Variants in PTPRQ observed in about 807,000 individuals in gnomAD.
PTPRQ encodes phosphatidylinositol phosphatase PTPRQ.
PTPRQ carries 199 observed loss-of-function variants against 246.0 expected under a neutral mutation model. The observed-to-expected ratio is 0.81, with a 90% CI of 0.72 to 0.91. The LOEUF is 0.91. Ranked by LOEUF, PTPRQ falls within the 40% of genes least tolerant of loss-of-function variation. The probability of loss-of-function intolerance (pLI) is 0.00; values close to 1 mark genes in which losing one functional copy is unlikely to be tolerated. For missense variants in PTPRQ, 2,624 were observed against 2,528.4 expected (o/e 1.04, Z -0.81); for synonymous variants, 869 against 853.2 (o/e 1.02, Z -0.32).
In PTPRQ at chr12:80,542,154, T is replaced by C. The variant is rs1249298731; in HGVS notation, c.3511T>C (p.Trp1171Arg). Reference sequence around the variant, plus strand: ...TTCCTCTACCTCAGTTCTCTTATCATGGGATCCCCCAGTAAAGCCAAATGG... The same window carrying C: ...TTCCTCTACCTCAGTTCTCTTATCACGGGATCCCCCAGTAAAGCCAAATGG... Reference protein sequence around the residue: ...NLSSTSVLLSWDPPVKPNGAI... With the variant: ...NLSSTSVLLSRDPPVKPNGAI... Residue 1171 changes from tryptophan (W) to arginine (R), a missense_variant, in exon 22 of 45, where the codon TGG (tryptophan) becomes CGG (arginine). Physicochemically the swap from Trp to Arg is moderately radical, Grantham distance 101. Coordinates refer to ENST00000644991, the MANE Select transcript of PTPRQ (RefSeq NM_001145026.2). The C allele has an allele frequency of 6.4e-7, 1 of 1,551,118 alleles. No individual in the cohort carries two copies. Among genetic ancestry groups the C allele is most frequent in the Admixed American group, 2.0e-5 (1 of 50,978 alleles).
chr12:80,514,230 T>G (rs1415356563), intron 17 of PTPRQ, among the ~76,000 whole-genome samples: 1 of 152,076 alleles, frequency 6.6e-6, no homozygotes, highest in East Asian at 1.9e-4. Context: ...GTATACTCTT[T>G]CCTTTCTACA....
At chr12:80,600,691 G>A (rs1386667795) in intron 26 of PTPRQ, among the ~76,000 whole-genome samples, 1 of 151,800 alleles carries the variant, frequency 6.6e-6, no homozygotes, top group Non-Finnish European at 1.5e-5. Context: ...TCAAATAGAT[G>A]TTGGAGATGA....
chr12:80,575,855 A>G, intron 25 of PTPRQ, among the ~76,000 whole-genome samples: 1 of 150,916 alleles, frequency 6.6e-6, no homozygotes, highest in East Asian at 1.9e-4. Flanking sequence ...AAAAAAAAAA[A>G]AAGAAAAAAG....
chr12:80,678,055 G>A, intron 43 of PTPRQ, among the ~76,000 whole-genome samples: 1 of 152,074 alleles, frequency 6.6e-6, no homozygotes, highest in Non-Finnish European at 1.5e-5. Flanking sequence ...CTGGATGTTT[G>A]GGTACTTCAA....
intron 17 of PTPRQ, among the ~76,000 whole-genome samples, chr12:80,526,300 C>T (rs2120777034): frequency 6.6e-6 from 1 of 152,278 alleles, no homozygotes; most frequent in Non-Finnish European, 1.5e-5. Context: ...TTGGAGGAAA[C>T]TAAGTTGGAG....
chr12:80,679,057 T>C lies in PTPRQ; in HGVS notation c.*34T>C. ...ACCAAAGGATACAATTGGAAGAGAT[T>C]TTTAAATCCCAGGGGCCAAAGTTAC... On this transcript the variant is annotated 3_prime_UTR_variant, in exon 45 of 45. Coordinates refer to ENST00000644991, the MANE Select transcript of PTPRQ (RefSeq NM_001145026.2). The C allele has an allele frequency of 6.5e-7, 1 of 1,535,968 alleles. No homozygotes were observed. The highest frequency in any genetic ancestry group is 2.5e-5 in the East Asian group (1 of 40,538).
chr12:80,559,608 A>C (rs1230925042), intron 25 of PTPRQ, among the ~76,000 whole-genome samples: 1 of 152,180 alleles, frequency 6.6e-6, no homozygotes, highest in African/African-American at 2.4e-5. Flanking sequence ...AGTTAGATTT[A>C]AGTTAATGAT....
Position 80,590,310 on chromosome 12 carries a change from G to T in PTPRQ, c.4609+1858G>T, listed in dbSNP as rs915582582. On this transcript the variant is annotated intron_variant, in intron 26 of 44. Coordinates refer to ENST00000644991, the MANE Select transcript of PTPRQ (RefSeq NM_001145026.2). ...TGCTCCCACAGCACTAGCCTAACTA[G>T]CCTCCTACACTGCCAGACTGGTCTT... Among the ~76,000 whole-genome samples the T allele has an allele frequency of 4.6e-5, 7 of 152,124 alleles. No homozygotes were observed. In the South Asian group the frequency reaches 6.2e-4, roughly 14 times the overall value.
intron 39 of PTPRQ, among the ~76,000 whole-genome samples, chr12:80,666,731 A>C (rs1480488005): frequency 6.6e-6 from 1 of 152,008 alleles, no homozygotes; most frequent in Non-Finnish European, 1.5e-5. Context: ...AAAACTGCTC[A>C]TCTGGAGTCT....
chr12:80,605,787 A>T (rs1424851111), intron 27 of PTPRQ, among the ~76,000 whole-genome samples: 4 of 151,074 alleles, frequency 2.6e-5, no homozygotes, highest in Admixed American at 6.6e-5. Flanking sequence ...CTAGATCCAG[A>T]GGCTGACTAT....
intron 5 of PTPRQ, 78 bp downstream of exon 5, chr12:80,459,561 C>T (rs1893084805): frequency 5.0e-6 from 2 of 397,098 alleles, no homozygotes; most frequent in East Asian, 3.6e-5. Context: ...CATCTAGATA[C>T]TATATTTTTA....
rs1416265712 is a variant in PTPRQ, at chr12:80,506,563, C to G, written c.2456-6C>G. 6.6e-7 allele frequency: 1 copy of G among 1,515,102 alleles called. No homozygotes were observed. Among genetic ancestry groups the G allele is most frequent in the African/African-American group, 1.4e-5 (1 of 71,930 alleles). 93.9% of individuals were successfully genotyped at this position (1,515,102 alleles called of 1,614,324 possible). On this transcript the variant is annotated splice_region_variant and splice_polypyrimidine_tract_variant and intron_variant, in intron 15 of 44. Coordinates refer to ENST00000644991, the MANE Select transcript of PTPRQ (RefSeq NM_001145026.2). Reference sequence around the variant, plus strand: ...GTTTCAACTTACCTATTTGATTTCTCTTTAGTACTGAAGAAATATACCCAA... The same window carrying G: ...GTTTCAACTTACCTATTTGATTTCTGTTTAGTACTGAAGAAATATACCCAA...
chr12:80,591,120 CTTT>C (rs757029945), intron 26 of PTPRQ, among the ~76,000 whole-genome samples: 1,235 of 77,120 alleles, frequency 0.016, 12 homozygotes, highest in African/African-American at 0.054. Flanking sequence ...TTGATCATTG[CTTT>C]TTTTTTTTTT....
chr12:80,449,244 T>A (rs1238613581), intron 3 of PTPRQ, among the ~76,000 whole-genome samples: 1 of 151,730 alleles, frequency 6.6e-6, no homozygotes, highest in Non-Finnish European at 1.5e-5. Flanking sequence ...CTTGTAAATT[T>A]GTTTGAGTTC....
intron 35 of PTPRQ, among the ~76,000 whole-genome samples, chr12:80,636,995 C>G (rs1049723106): frequency 6.6e-6 from 1 of 152,090 alleles, no homozygotes; most frequent in African/African-American, 2.4e-5. Flanking sequence ...TGTGGTGACT[C>G]ATGCCTGTAA....
intron 26 of PTPRQ, among the ~76,000 whole-genome samples, chr12:80,602,169 G>A (rs1414394691): frequency 1.3e-5 from 2 of 151,540 alleles, no homozygotes; most frequent in Non-Finnish European, 3.0e-5. Flanking sequence ...TCACTCCAAA[G>A]GTATTTGTTC....
At chr12:80,452,692 C>T (rs1443677770) in intron 3 of PTPRQ, among the ~76,000 whole-genome samples, 1 of 152,150 alleles carries the variant, frequency 6.6e-6, no homozygotes, top group African/African-American at 2.4e-5. Context: ...TGAATATTGG[C>T]CCCCACTCTC....
chr12:80,600,140 G>A (rs1203629063), intron 26 of PTPRQ, among the ~76,000 whole-genome samples: 3 of 151,864 alleles, frequency 2.0e-5, no homozygotes, highest in Non-Finnish European at 2.9e-5. Context: ...GCATAGCTCA[G>A]CAAGGGGCTA....
chr12:80,482,116 T>A (rs1238569572), intron 8 of PTPRQ, among the ~76,000 whole-genome samples: 1 of 151,998 alleles, frequency 6.6e-6, no homozygotes, highest in Non-Finnish European at 1.5e-5. Flanking sequence ...ACTACCTGAC[T>A]TTAAACTATA....
Sources: gnomAD v4.1 joint callset for allele counts (sites outside exome capture counted in the v4.1 genomes callset) on GRCh38, gnomAD v4.1.1 for gene constraint, MANE v1.5 for transcripts, NCBI Gene and HGNC (gene_info 2026-07-23, HGNC 2026-07-21) for gene names.